Variants in DAB1 observed in about 807,000 individuals in gnomAD.
The protein encoded by DAB1 is disabled homolog 1.
In DAB1, 15 loss-of-function variants were observed where a neutral mutation model predicts 64.6. That is an observed-to-expected ratio of 0.23 (90% CI 0.16 to 0.36). DAB1 has a LOEUF of 0.36. Among genes scored for constraint, DAB1 ranks in the 10% least tolerant of loss-of-function variants. The probability of loss-of-function intolerance (pLI) is 1.00; values close to 1 mark genes in which losing one functional copy is unlikely to be tolerated. For synonymous variants in DAB1, 235 were observed against 251.9 expected, an observed-to-expected ratio of 0.93 and a Z score of 0.64; for missense variants, 596 against 706.7, an observed-to-expected ratio of 0.84 and a Z score of 1.78.
chr1:57,900,285 G>T (rs916172909), intron 5 of DAB1, among the ~76,000 whole-genome samples: 6 of 152,198 alleles, frequency 3.9e-5, no homozygotes, highest in African/African-American at 1.4e-4. Context: ...GTGTTCTTGG[G>T]GGTGAGCAAG....
intron 1 of DAB1, among the ~76,000 whole-genome samples, chr1:57,355,956 C>G (rs1457950159): frequency 6.6e-6 from 1 of 151,486 alleles, no homozygotes; most frequent in African/African-American, 2.4e-5. Flanking sequence ...AAATTGCAAC[C>G]TAATTCACTA....
rs892257797 is a variant in DAB1, at chr1:57,811,223, C to A, written n.551+72776G>T. ...GATATGGTTTGAATCTGTGTCCCCA[C>A]CCAAATCTCACGTCAAATTGTAATC... On this transcript the variant is annotated intron_variant and non_coding_transcript_variant, in intron 6 of 20. Transcript: ENST00000485760. Among the ~76,000 whole-genome samples the A allele has an allele frequency of 4.3e-4, 65 of 152,302 alleles. 1 individual carries two copies. Among genetic ancestry groups the A allele is most frequent in the African/African-American group, 1.5e-3 (62 of 41,568 alleles).
At chr1:58,151,459 T>C (rs1654933931) in intron 4 of DAB1, among the ~76,000 whole-genome samples, 1 of 152,232 alleles carries the variant, frequency 6.6e-6, no homozygotes, top group African/African-American at 2.4e-5. Flanking sequence ...AGAGCATTTT[T>C]TCATGTGTCT....
chr1:57,311,644 C>T (rs1192829759), intron 1 of DAB1, among the ~76,000 whole-genome samples: 1 of 152,058 alleles, frequency 6.6e-6, no homozygotes, highest in Non-Finnish European at 1.5e-5. Flanking sequence ...AATGAAGATT[C>T]GGTTTAACTC....
At chr1:58,143,579 C>T (rs142952786) in intron 5 of DAB1, among the ~76,000 whole-genome samples, 90 of 152,244 alleles carry the variant, frequency 5.9e-4, no homozygotes, top group African/African-American at 2.1e-3. Context: ...GAGGCTACCA[C>T]GTTTGGGAGC....
At chr1:58,048,488 C>A in intron 5 of DAB1, 1 of 1,294,494 alleles carries the variant, frequency 7.7e-7, no homozygotes, top group Admixed American at 1.7e-5. Flanking sequence ...CTGTCCACCA[C>A]TTCCATAGCC....
chr1:57,509,483 T>C (rs1336020752), intron 7 of DAB1, among the ~76,000 whole-genome samples: 3 of 151,926 alleles, frequency 2.0e-5, no homozygotes, highest in African/African-American at 7.3e-5. Context: ...CAAGCTAACT[T>C]CCCCATTCTT....
At chr1:57,684,779 C>T (rs899268714) in intron 6 of DAB1, among the ~76,000 whole-genome samples, 2 of 152,144 alleles carry the variant, frequency 1.3e-5, no homozygotes, top group African/African-American at 2.4e-5. Flanking sequence ...AATACTAAAA[C>T]TGAATGTAAA....
intron 3 of DAB1, among the ~76,000 whole-genome samples, chr1:58,352,004 G>A (rs1328791511): frequency 6.6e-6 from 1 of 151,534 alleles, no homozygotes; most frequent in East Asian, 1.9e-4. Context: ...AGGAGCCACT[G>A]GCCACTTCTG....
chr1:57,717,852 A>C (rs142509891), intron 6 of DAB1, among the ~76,000 whole-genome samples: 37 of 152,222 alleles, frequency 2.4e-4, no homozygotes, highest in African/African-American at 8.7e-4. Flanking sequence ...TTAGGTTATG[A>C]GTTGGGAAAT....
rs562318314 is a variant in DAB1 at position 58,258,590 on chromosome 1, T to A, written n.309+84762A>T. On this transcript the variant is annotated intron_variant and non_coding_transcript_variant, in intron 4 of 20. Coordinates refer to the DAB1 transcript ENST00000485760. ...TCCTGGCAATTCTGTGGGCTATGGC[T>A]TGAGAACTCTCTGCAAAACTGGACA... 2.0e-5 allele frequency among the ~76,000 whole-genome samples: 3 copies of A among 152,312 alleles called. No homozygotes were observed. In the South Asian group the frequency reaches 6.2e-4, roughly 32 times the overall value.
intron 3 of DAB1, among the ~76,000 whole-genome samples, chr1:58,400,619 G>A (rs906534406): frequency 6.6e-5 from 10 of 152,306 alleles, no homozygotes; most frequent in African/African-American, 2.4e-4. Context: ...ACAGCTCAGA[G>A]GGGAAACTGT....
intron 4 of DAB1, among the ~76,000 whole-genome samples, chr1:57,119,109 A>C (rs1656408794): frequency 6.6e-6 from 1 of 152,172 alleles, no homozygotes; most frequent in Non-Finnish European, 1.5e-5. Flanking sequence ...TCTCAACTGG[A>C]TCTACAACTT....
chr1:57,946,470 T>C (rs1019137798), intron 5 of DAB1, among the ~76,000 whole-genome samples: 16 of 152,208 alleles, frequency 1.1e-4, no homozygotes, highest in African/African-American at 3.9e-4. Flanking sequence ...AAATCCACTT[T>C]CTCCACCTTC....
At chr1:57,669,778 C>G (rs140880712) in intron 6 of DAB1, among the ~76,000 whole-genome samples, 1 of 152,184 alleles carries the variant, frequency 6.6e-6, no homozygotes, top group East Asian at 1.9e-4. Context: ...AAGGCCCTGT[C>G]CTACCACATT....
chr1:57,948,688 T>C (rs1645220258), intron 5 of DAB1, among the ~76,000 whole-genome samples: 1 of 152,258 alleles, frequency 6.6e-6, no homozygotes, highest in Non-Finnish European at 1.5e-5. Flanking sequence ...GATTCAGTTC[T>C]GAATCTTCCT....
At chr1:58,276,684 C>A (rs1447565753) in intron 4 of DAB1, among the ~76,000 whole-genome samples, 1 of 152,140 alleles carries the variant, frequency 6.6e-6, no homozygotes, top group African/African-American at 2.4e-5. Flanking sequence ...CTCTTACTCA[C>A]AAAATGGATT....
chr1:57,335,516 T>C (rs1365177268), intron 1 of DAB1, among the ~76,000 whole-genome samples: 2 of 152,328 alleles, frequency 1.3e-5, no homozygotes, highest in Admixed American at 1.3e-4. Context: ...GAGGCCACGA[T>C]AGGAAATACA....
intron 7 of DAB1, among the ~76,000 whole-genome samples, chr1:57,479,753 A>T (rs567717262): frequency 6.6e-5 from 10 of 152,188 alleles, no homozygotes; most frequent in African/African-American, 2.4e-4. Flanking sequence ...ATCTTCCTCT[A>T]TCTCTCTGCA....
Sources: allele counts gnomAD v4.1 joint callset (sites outside exome capture counted in the v4.1 genomes callset), GRCh38; gene constraint gnomAD v4.1.1; transcripts MANE v1.5; gene names NCBI Gene and HGNC (gene_info 2026-07-23, HGNC 2026-07-21).